The following PLXNA4 variants were observed in gnomAD, a reference collection of about 807,000 sequenced individuals.
PLXNA4 encodes the protein plexin A4.
A neutral mutation model predicts 191.8 loss-of-function variants in PLXNA4; 44 were observed. The observed-to-expected ratio is 0.23, with a 90% CI of 0.18 to 0.29. The LOEUF is 0.29. Among genes scored for constraint, PLXNA4 ranks in the 10% least tolerant of loss-of-function variants. The pLI is 1.00. For synonymous variants in PLXNA4, 1,082 were observed against 1,009.5 expected (o/e 1.07, Z -1.36); for missense variants, 1,800 against 2,488.8 (o/e 0.72, Z 5.89).
intron 2 of PLXNA4, among the ~76,000 whole-genome samples, chr7:132,502,312 A>G (rs187017642): frequency 1.3e-5 from 2 of 152,308 alleles, no homozygotes; most frequent in East Asian, 1.9e-4. Flanking sequence ...GGGGACCTCC[A>G]TCGCCACCCA....
chr7:132,447,834 A>AAAGATT (rs1368545798), intron 3 of PLXNA4, among the ~76,000 whole-genome samples: 93 of 152,036 alleles, frequency 6.1e-4, no homozygotes, highest in African/African-American at 2.2e-3. Flanking sequence ...TTAAAAAAAA[A>AAAGATT]AAAAGATTAA....
intron 2 of PLXNA4, among the ~76,000 whole-genome samples, chr7:132,597,973 C>T (rs546609625): frequency 1.3e-5 from 2 of 152,150 alleles, no homozygotes; most frequent in East Asian, 3.9e-4. Context: ...CCAGATTGCA[C>T]CTGGGTGCAA....
intron 1 of PLXNA4, among the ~76,000 whole-genome samples, chr7:132,528,767 G>A (rs1019951740): frequency 2.0e-5 from 3 of 152,222 alleles, no homozygotes; most frequent in Admixed American, 6.5e-5. Flanking sequence ...GAAGGGAAGT[G>A]CCAGGAGTAG....
At chr7:132,258,488 G>A (rs1210271524) in intron 4 of PLXNA4, among the ~76,000 whole-genome samples, 1 of 152,234 alleles carries the variant, frequency 6.6e-6, no homozygotes, top group Non-Finnish European at 1.5e-5. Context: ...GAGTCAAGGA[G>A]CAGAAGTGAA....
intron 1 of PLXNA4, among the ~76,000 whole-genome samples, chr7:132,541,937 G>C (rs1800105745): frequency 6.6e-6 from 1 of 152,190 alleles, no homozygotes; most frequent in Non-Finnish European, 1.5e-5. Flanking sequence ...AGTAAAACCA[G>C]ATGCGAATCA....
intron 3 of PLXNA4, among the ~76,000 whole-genome samples, chr7:132,335,905 TC>T (rs1362818384): frequency 6.6e-6 from 1 of 152,136 alleles, no homozygotes; most frequent in Non-Finnish European, 1.5e-5. Context: ...GCTGGTGGTC[TC>T]CCCCAACCAG....
chr7:132,642,914 CGATAT>C (rs1803771882), intron 2 of PLXNA4, among the ~76,000 whole-genome samples: 2 of 151,998 alleles, frequency 1.3e-5, no homozygotes, highest in Admixed American at 1.3e-4. Flanking sequence ...GAGTATGATA[CGATAT>C]AATTTGTGTT....
intron 3 of PLXNA4, among the ~76,000 whole-genome samples, chr7:132,408,899 C>T (rs778092197): frequency 5.7e-4 from 74 of 128,816 alleles, no homozygotes; most frequent in Non-Finnish European, 9.5e-4. Flanking sequence ...AAGAGGAATG[C>T]GTTGGATCAC....
In PLXNA4 at chr7:132,227,621, G is replaced by C. The variant is rs200920634; in HGVS notation, c.1729-17C>G. The C allele has an allele frequency of 1.3e-5, 21 of 1,613,934 alleles. No individual in the cohort carries two copies. Among genetic ancestry groups the C allele is most frequent in the South Asian group, 3.3e-5 (3 of 91,060 alleles). ...CAGGACCAGCTGTGAACAGCCAGGC[G>C]GGGGGAGAGAAGGAGGAGGGTGAAA... is the stretch of plus-strand genomic sequence containing the variant. On this transcript the variant is annotated splice_polypyrimidine_tract_variant and intron_variant, in intron 6 of 31. Coordinates refer to ENST00000321063, the MANE Select transcript of PLXNA4 (RefSeq NM_020911.2).
In PLXNA4 at chr7:132,199,234, C is replaced by T. The variant is rs369755356; in HGVS notation, c.2587-598G>A. On this transcript the variant is annotated intron_variant, in intron 12 of 31. Transcript: ENST00000321063. Reference sequence around the variant, plus strand: ...TCTCTGAGAGCAGGTCTGTCTCCCTCCTTGTGGGCTTTTCAGTAACCATCT... The same window carrying T: ...TCTCTGAGAGCAGGTCTGTCTCCCTTCTTGTGGGCTTTTCAGTAACCATCT... Among the ~76,000 whole-genome samples the T allele has an allele frequency of 1.6e-3, 242 of 152,320 alleles. 10 individuals are homozygous for T. The South Asian group carries it at 0.044, about 28-fold the overall frequency.
At position 132,318,089 on chromosome 7, in the gene PLXNA4, C is replaced by T. The variant is rs144256120; in HGVS notation, c.1372-19867G>A. 2.3e-4 allele frequency among the ~76,000 whole-genome samples: 35 copies of T among 152,274 alleles called. 1 individual carries two copies. In the South Asian group the frequency reaches 3.9e-3, roughly 17 times the overall value. ...GTGGTTTTGACATAAGGTCATGAAC[C>T]GAGACAAGGCAATCTCAGCAGTTCA... is the stretch of plus-strand genomic sequence containing the variant. On this transcript the variant is annotated intron_variant, in intron 3 of 31. Transcript: ENST00000321063.
In PLXNA4 at chr7:132,241,148, C is replaced by T; in HGVS notation, c.1522G>A (p.Glu508Lys). 1 of 1,612,084 alleles carries T rather than the reference C, an allele frequency of 6.2e-7. No homozygotes were observed. Residue 508 changes from glutamate (E) to lysine (K), a missense_variant, in exon 5 of 32, where the codon GAG (glutamate) becomes AAG (lysine). This residue lies in a region of PLXNA4 where 1,397 missense variants were observed against 1,880.4 expected (regional missense o/e 0.74). Transcript: ENST00000321063. ...CAGCTCTGATACTGACCACAGGACT[C>T]CACAGGGACTCTGGTGAGCTAGGAC... ...SERQLTRVPV[E>K]SCGQYQSCGE...
chr7:132,141,263 C>T (rs1183220373), intron 29 of PLXNA4, among the ~76,000 whole-genome samples: 2 of 152,224 alleles, frequency 1.3e-5, no homozygotes, highest in Non-Finnish European at 2.9e-5. Flanking sequence ...CTGCCATCTA[C>T]TGTATGACTT....
intron 3 of PLXNA4, chr7:132,365,804 G>C (rs1033541520): frequency 6.6e-6 from 1 of 152,144 alleles, no homozygotes; most frequent in Admixed American, 6.5e-5. Context: ...AAGTGAGCTA[G>C]CAAAGCACAT....
chr7:132,152,828 C>A (rs1337769489), intron 25 of PLXNA4, among the ~76,000 whole-genome samples: 1 of 152,188 alleles, frequency 6.6e-6, no homozygotes, highest in African/African-American at 2.4e-5. Flanking sequence ...CTCACAAACA[C>A]CTTCTCCTAC....
chr7:132,166,471 C>T (rs546947855), intron 22 of PLXNA4, among the ~76,000 whole-genome samples: 10 of 151,578 alleles, frequency 6.6e-5, no homozygotes, highest in African/African-American at 1.7e-4. Flanking sequence ...ACTAAGCATG[C>T]GGCCAGCTCC....
At chr7:132,269,748 G>A (rs912216350) in intron 4 of PLXNA4, among the ~76,000 whole-genome samples, 2 of 151,672 alleles carry the variant, frequency 1.3e-5, no homozygotes, top group South Asian at 4.2e-4. Flanking sequence ...TTCTGGGAAT[G>A]TGGCTTCATT....
chr7:132,132,463 TTCTGCTCTGC>T (rs1196484529), intron 31 of PLXNA4, among the ~76,000 whole-genome samples: 1,397 of 65,440 alleles, frequency 0.021, 91 homozygotes, highest in African/African-American at 0.025. Context: ...TTCTGTTCTG[TTCTGCTCTGC>T]TCTGCTCTGC....
At position 132,207,453 on chromosome 7, in the gene PLXNA4, G is replaced by A. The variant is rs185627302; in HGVS notation, c.2298+3490C>T. Reference sequence around the variant, plus strand: ...CCACGCACTATTATTAGCAGCACTTGACATTTTCCTAGAGCATTGGTCTAA... The same window carrying A: ...CCACGCACTATTATTAGCAGCACTTAACATTTTCCTAGAGCATTGGTCTAA... On this transcript the variant is annotated intron_variant, in intron 10 of 31. Coordinates refer to ENST00000321063, the MANE Select transcript of PLXNA4 (RefSeq NM_020911.2). 1.6e-3 allele frequency among the ~76,000 whole-genome samples: 244 copies of A among 152,270 alleles called. 1 individual carries two copies. Among genetic ancestry groups the A allele is most frequent in the African/African-American group, 5.7e-3 (235 of 41,566 alleles).
Sources: allele counts gnomAD v4.1 joint callset (sites outside exome capture counted in the v4.1 genomes callset), GRCh38; gene constraint gnomAD v4.1.1; regional missense constraint gnomAD v4.1.1; transcripts MANE v1.5; gene names NCBI Gene and HGNC (gene_info 2026-07-23, HGNC 2026-07-21).